The following L3HYPDH variants were observed in gnomAD, a reference collection of about 807,000 sequenced individuals.
The protein encoded by L3HYPDH is trans-3-hydroxy-L-proline dehydratase.
In L3HYPDH, 32 loss-of-function variants were observed where a neutral mutation model predicts 26.5. The observed-to-expected ratio is 1.21, with a 90% CI of 0.91 to 1.62. The LOEUF is 1.62. Among genes scored for constraint, L3HYPDH ranks in the 40% most tolerant of loss-of-function variants. The probability of loss-of-function intolerance (pLI) is 0.00; values close to 1 mark genes in which losing one functional copy is unlikely to be tolerated. For missense variants in L3HYPDH, 554 were observed against 476.4 expected (o/e 1.16, Z -1.52); for synonymous variants, 215 against 196.6 (o/e 1.09, Z -0.78).
chr14:59,495,870 A>G, the L3HYPDH span, among the ~76,000 whole-genome samples: 923 of 150,826 alleles, frequency 6.1e-3, 29 homozygotes, highest in Admixed American at 0.054. Context: ...CAGATATCTT[A>G]GAAAAAATGA....
chr14:59,498,952 A>G, the L3HYPDH span: 1 of 902,426 alleles, frequency 1.1e-6, no homozygotes, highest in South Asian at 2.2e-5. Context: ...TTATTATTGT[A>G]TGTAGTAATA....
chr14:59,494,856 A>G, the L3HYPDH span, among the ~76,000 whole-genome samples: 1 of 152,236 alleles, frequency 6.6e-6, no homozygotes, highest in Non-Finnish European at 1.5e-5. Flanking sequence ...TAATACTGCT[A>G]CAGTGTTATT....
At chr14:59,466,001 A>G (rs1482172069) in intron 1 of L3HYPDH, among the ~76,000 whole-genome samples, 1 of 152,202 alleles carries the variant, frequency 6.6e-6, no homozygotes, top group Non-Finnish European at 1.5e-5. Context: ...CAAGAGTTTC[A>G]TAAAATGCAG....
chr14:59,496,730 A>AT, the L3HYPDH span, among the ~76,000 whole-genome samples: 2 of 152,146 alleles, frequency 1.3e-5, no homozygotes, highest in African/African-American at 4.8e-5. Flanking sequence ...TGATTAGGAC[A>AT]TTTTTTGTCT....
Position 59,479,329 on chromosome 14 carries a change from T to A in L3HYPDH, c.531A>T (p.Gly177=). Residue 177 remains glycine, a synonymous_variant, in exon 2 of 5, where the codon GGA becomes GGT. Coordinates refer to ENST00000247194, the MANE Select transcript of L3HYPDH (RefSeq NM_144581.2). The stretch of plus-strand genomic sequence containing the variant: ...CAATGTCCACCATCACCTTTCCATG[T>A]CCAGGAACATCCACCATGAGATCTA... ...LATDLMVDVP[G]HGKVMVDIAY... 6.2e-7 allele frequency: 1 copy of A among 1,612,198 alleles called. No homozygotes were observed. Among genetic ancestry groups the A allele is most frequent in the Non-Finnish European group, 8.5e-7 (1 of 1,179,584 alleles).
chr14:59,466,000 C>T (rs984299924), intron 1 of L3HYPDH, among the ~76,000 whole-genome samples: 2 of 152,132 alleles, frequency 1.3e-5, no homozygotes, highest in Admixed American at 6.5e-5. Context: ...TCAAGAGTTT[C>T]ATAAAATGCA....
chr14:59,497,461 C>T, the L3HYPDH span, among the ~76,000 whole-genome samples: 1 of 152,158 alleles, frequency 6.6e-6, no homozygotes, highest in African/African-American at 2.4e-5. Context: ...TGGAGAAACA[C>T]AGGATGGTTT....
At position 59,483,998 on chromosome 14, in the gene L3HYPDH, C is replaced by G; in HGVS notation, c.319G>C (p.Ala107Pro). 1.3e-6 allele frequency: 2 copies of G among 1,594,804 alleles called. No individual in the cohort carries two copies. Among genetic ancestry groups the G allele is most frequent in the Non-Finnish European group, 1.7e-6 (2 of 1,175,494 alleles). ...GCGAAGCGGCCCAGCGCCAGCACTG[C>G]GTGGCCGCACATGGAGCTGTAGCCC... ...NEGYSSMCGH[A>P]VLALGRFALD... The change falls in exon 1 of 5, where the codon GCA becomes CCA. Residue 107 changes from alanine (A) to proline (P), a missense_variant. Coordinates refer to ENST00000247194, the MANE Select transcript of L3HYPDH (RefSeq NM_144581.2).
chr14:59,504,842 C>G, the L3HYPDH span: 2 of 154,364 alleles, frequency 1.3e-5, no homozygotes, highest in Admixed American at 1.3e-4. Flanking sequence ...ACTTATTTCA[C>G]TTTGTGACAT....
chr14:59,470,966 GGA>G (rs1491119359), downstream of L3HYPDH, among the ~76,000 whole-genome samples: 56 of 117,756 alleles, frequency 4.8e-4, no homozygotes, highest in African/African-American at 1.5e-3. Context: ...GGGGGGGGGG[GGA>G]GGGCAGGAGA....
chr14:59,494,315 C>A, the L3HYPDH span, among the ~76,000 whole-genome samples: 3 of 152,084 alleles, frequency 2.0e-5, no homozygotes, highest in Admixed American at 6.5e-5. Flanking sequence ...ATTTAACTAA[C>A]CACAGAATGG....
the L3HYPDH span, among the ~76,000 whole-genome samples, chr14:59,497,625 A>G: frequency 6.6e-6 from 1 of 152,194 alleles, no homozygotes; most frequent in Non-Finnish European, 1.5e-5. Flanking sequence ...TTTCCTCTTG[A>G]TTAAAATCAT....
the L3HYPDH span, chr14:59,504,030 C>G: frequency 6.2e-7 from 1 of 1,613,678 alleles, no homozygotes; most frequent in Non-Finnish European, 8.5e-7. Context: ...CAAAATTTAC[C>G]GAACCTTCAA....
rs1459743171 is a variant in L3HYPDH at position 59,483,893 on chromosome 14, C to A, written c.424G>T (p.Val142Leu). 7.0e-6 allele frequency: 11 copies of A among 1,567,626 alleles called. No individual in the cohort carries two copies. The highest frequency in any genetic ancestry group is 9.5e-6 in the Non-Finnish European group (11 of 1,163,494). The change falls in exon 1 of 5, where the codon GTG (valine) becomes TTG (leucine). Residue 142 changes from valine (V) to leucine (L), a missense_variant. Val to Leu is a conservative substitution (Grantham distance 32). Coordinates refer to ENST00000247194, the MANE Select transcript of L3HYPDH (RefSeq NM_144581.2). ...RVNIHCPCGL[V>L]TAFVACEDGR... ...TCCTCGCATGCCACGAAGGCGGTCA[C>A]CAGCCCGCAGGGGCAGTGGATATTG...
At chr14:59,492,228 A>T in the L3HYPDH span, among the ~76,000 whole-genome samples, 3 of 152,118 alleles carry the variant, frequency 2.0e-5, no homozygotes, top group Admixed American at 1.3e-4. Context: ...AAACTTTTAG[A>T]AATGAAAGTT....
upstream of L3HYPDH, chr14:59,484,521 C>T: frequency 5.8e-6 from 9 of 1,547,564 alleles, no homozygotes; most frequent in Non-Finnish European, 7.9e-6. Context: ...CTCGCTGTGG[C>T]CCGGATGTTC....
At chr14:59,467,020 C>A (rs1368000297) in intron 1 of L3HYPDH, among the ~76,000 whole-genome samples, 3 of 152,118 alleles carry the variant, frequency 2.0e-5, no homozygotes, top group Admixed American at 2.0e-4. Context: ...ATTTATTTGG[C>A]AAACACAATC....
At chr14:59,481,532 T>C (rs1305725023) in intron 1 of L3HYPDH, among the ~76,000 whole-genome samples, 1 of 151,928 alleles carries the variant, frequency 6.6e-6, no homozygotes, top group African/African-American at 2.4e-5. Flanking sequence ...AATCTAAGGG[T>C]TTTTCTTTTC....
chr14:59,504,187 A>T, the L3HYPDH span: 1 of 666,384 alleles, frequency 1.5e-6, no homozygotes, highest in Non-Finnish European at 2.6e-6. Context: ...TTGTCAGTAT[A>T]TCTTAATGTT....
Sources: gnomAD v4.1 joint callset for allele counts (sites outside exome capture counted in the v4.1 genomes callset) on GRCh38, gnomAD v4.1.1 for gene constraint, MANE v1.5 for transcripts, NCBI Gene and HGNC (gene_info 2026-07-23, HGNC 2026-07-21) for gene names.